Variants in RORA observed in about 807,000 individuals in gnomAD.
RORA encodes RAR related orphan receptor A.
A neutral mutation model predicts 69.5 loss-of-function variants in RORA; 7 were observed. The observed-to-expected ratio is 0.10, with a 90% CI of 0.06 to 0.19. The LOEUF (loss-of-function observed/expected upper bound fraction) is 0.19. Ranked by LOEUF, RORA falls within the 10% of genes least tolerant of loss-of-function variation. The pLI, the probability that RORA is intolerant of heterozygous loss-of-function variation, is 1.00. For missense variants in RORA, 457 were observed against 663.0 expected, an observed-to-expected ratio of 0.69 and a Z score of 3.41; for synonymous variants, 261 against 240.8, an observed-to-expected ratio of 1.08 and a Z score of -0.78.
At chr15:61,204,861 G>A (rs565964969) in intron 1 of RORA, among the ~76,000 whole-genome samples, 7 of 152,318 alleles carry the variant, frequency 4.6e-5, no homozygotes, top group African/African-American at 1.2e-4. Flanking sequence ...TCCAAATCCT[G>A]CAGTGGGTGT....
intron 1 of RORA, among the ~76,000 whole-genome samples, chr15:61,216,839 C>G (rs569745325): frequency 7.9e-5 from 12 of 152,294 alleles, no homozygotes; most frequent in South Asian, 2.1e-4. Flanking sequence ...TAAGGTCACA[C>G]GGCTAGCACA....
rs201000137 is a variant in RORA at position 60,712,990 on chromosome 15, G to GA, written c.167-34305dup. Among the ~76,000 whole-genome samples, 371 of 149,162 alleles carry GA rather than the reference G, an allele frequency of 2.5e-3. 1 individual carries two copies. Among genetic ancestry groups the GA allele is most frequent in the African/African-American group, 8.1e-3 (327 of 40,604 alleles). ...ATACTTTGAACCTGGGTTAAGCAGGGAAAAAAAAACAACAATTTAGGTTAC... is the reference window on the plus strand; with the variant it reads ...ATACTTTGAACCTGGGTTAAGCAGGGAAAAAAAAAACAACAATTTAGGTTAC... On this transcript the variant is annotated intron_variant, in intron 1 of 10. Coordinates refer to ENST00000335670, the MANE Select transcript of RORA (RefSeq NM_134261.3).
chr15:60,554,323 T>C (rs2067300972), intron 2 of RORA, among the ~76,000 whole-genome samples: 2 of 152,226 alleles, frequency 1.3e-5, no homozygotes, highest in Non-Finnish European at 2.9e-5. Context: ...AAATATTTTC[T>C]GTCCTCATTC....
At chr15:60,688,204 T>C (rs1218520275) in intron 1 of RORA, among the ~76,000 whole-genome samples, 1 of 151,678 alleles carries the variant, frequency 6.6e-6, no homozygotes, top group Non-Finnish European at 1.5e-5. Context: ...AGCTGCATTA[T>C]GAGAAACAAA....
intron 1 of RORA, among the ~76,000 whole-genome samples, chr15:60,831,993 T>G (rs1376070864): frequency 6.6e-6 from 1 of 152,174 alleles, no homozygotes; most frequent in Non-Finnish European, 1.5e-5. Context: ...CTGAGCTGCA[T>G]TTACGGATAC....
intron 2 of RORA, among the ~76,000 whole-genome samples, chr15:60,574,228 C>T (rs940959930): frequency 3.3e-5 from 5 of 152,134 alleles, no homozygotes; most frequent in African/African-American, 9.7e-5. Flanking sequence ...TCTGAGTCTC[C>T]GCTTCCTCCT....
chr15:60,947,083 G>A (rs1210610385), intron 1 of RORA, among the ~76,000 whole-genome samples: 11 of 110,180 alleles, frequency 1.0e-4, no homozygotes, highest in African/African-American at 2.5e-4. Flanking sequence ...GCCCCCGACC[G>A]GCCAGCCGCC....
At chr15:60,978,213 A>C (rs1316842553) in intron 1 of RORA, among the ~76,000 whole-genome samples, 1 of 152,322 alleles carries the variant, frequency 6.6e-6, no homozygotes, top group South Asian at 2.1e-4. Flanking sequence ...GTAGGTATAA[A>C]GTAGTACCTT....
intron 1 of RORA, among the ~76,000 whole-genome samples, chr15:60,892,173 A>G (rs1200346606): frequency 1.3e-5 from 2 of 152,142 alleles, no homozygotes; most frequent in Non-Finnish European, 2.9e-5. Flanking sequence ...CATCTTCATT[A>G]GGCAGATGAG....
intron 1 of RORA, among the ~76,000 whole-genome samples, chr15:60,706,787 C>G (rs940232628): frequency 1.3e-5 from 2 of 152,168 alleles, no homozygotes; most frequent in African/African-American, 2.4e-5. Context: ...AGTAGCACTT[C>G]CTAAGCTTGA....
chr15:60,708,676 A>C (rs62002730), intron 1 of RORA, among the ~76,000 whole-genome samples: 1 of 152,098 alleles, frequency 6.6e-6, no homozygotes, highest in African/African-American at 2.4e-5. Flanking sequence ...CTCCCTCCCA[A>C]GCCTTTTCAG....
intron 1 of RORA, among the ~76,000 whole-genome samples, chr15:61,141,045 T>G (rs2079292789): frequency 6.6e-6 from 1 of 152,156 alleles, no homozygotes; most frequent in South Asian, 2.1e-4. Context: ...CCCTTATCTG[T>G]TAGTATCACA....
intron 1 of RORA, among the ~76,000 whole-genome samples, chr15:61,142,741 A>G (rs553906313): frequency 6.6e-6 from 1 of 152,352 alleles, no homozygotes; most frequent in African/African-American, 2.4e-5. Context: ...ATATCAATAC[A>G]TTATAGCAGA....
At chr15:61,196,570 C>T (rs575466056) in intron 1 of RORA, among the ~76,000 whole-genome samples, 10 of 152,238 alleles carry the variant, frequency 6.6e-5, no homozygotes, top group South Asian at 2.1e-4. Flanking sequence ...CTAACGCACA[C>T]GCTTTCCCTG....
intron 1 of RORA, among the ~76,000 whole-genome samples, chr15:60,955,664 G>A (rs1893246095): frequency 6.6e-6 from 1 of 152,182 alleles, no homozygotes; most frequent in African/African-American, 2.4e-5. Flanking sequence ...AGTTACAACT[G>A]CTGTCTTTTG....
chr15:61,063,591 C>T (rs1306849630), intron 1 of RORA, among the ~76,000 whole-genome samples: 1 of 152,234 alleles, frequency 6.6e-6, no homozygotes, highest in East Asian at 1.9e-4. Context: ...AAATCTTTGT[C>T]CTCCTAAACT....
intron 1 of RORA, among the ~76,000 whole-genome samples, chr15:61,005,580 T>C (rs984363014): frequency 6.6e-6 from 1 of 152,206 alleles, no homozygotes; most frequent in African/African-American, 2.4e-5. Context: ...GCTTTCTCTC[T>C]CTCTCTTTCT....
chr15:60,684,945 TTTC>T (rs2070718342), intron 1 of RORA, among the ~76,000 whole-genome samples: 4 of 152,250 alleles, frequency 2.6e-5, no homozygotes, highest in African/African-American at 9.6e-5. Flanking sequence ...TCTCTGAGCC[TTTC>T]TTTTCTTATT....
At chr15:60,964,744 C>T (rs1390564065) in intron 1 of RORA, among the ~76,000 whole-genome samples, 2 of 152,192 alleles carry the variant, frequency 1.3e-5, no homozygotes, top group African/African-American at 4.8e-5. Flanking sequence ...TAGTTGAGAA[C>T]ACTGCTGTCT....
Sources: gnomAD v4.1 joint callset for allele counts (sites outside exome capture counted in the v4.1 genomes callset) on GRCh38, gnomAD v4.1.1 for gene constraint, MANE v1.5 for transcripts, NCBI Gene and HGNC (gene_info 2026-07-23, HGNC 2026-07-21) for gene names.